PLCH1: variants seen among roughly 807,000 people sequenced by gnomAD.
PLCH1 encodes 1-phosphatidylinositol 4,5-bisphosphate phosphodiesterase eta-1.
A neutral mutation model predicts 126.7 loss-of-function variants in PLCH1; 60 were observed. The observed-to-expected ratio is 0.47, with a 90% confidence interval of 0.38 to 0.59. The LOEUF (loss-of-function observed/expected upper bound fraction) is 0.59, where lower values mean the gene tolerates loss of function less well. Among genes scored for constraint, PLCH1 ranks in the 20% least tolerant of loss-of-function variants. The pLI is 0.00. For synonymous variants in PLCH1, 719 were observed against 734.9 expected, an observed-to-expected ratio of 0.98 and a Z score of 0.35; for missense variants, 1,723 against 2,040.0, an observed-to-expected ratio of 0.84 and a Z score of 2.99.
chr3:155,676,202 T>C (rs1744071064), intron 2 of PLCH1: 2 of 1,291,096 alleles, frequency 1.5e-6, no homozygotes, highest in Non-Finnish European at 2.0e-6. Flanking sequence ...TATGGCATGA[T>C]GAGATCTTCA....
At chr3:155,497,280 T>G in intron 15 of PLCH1, 40 bp downstream of exon 15, 1 of 1,296,442 alleles carries the variant, frequency 7.7e-7, no homozygotes, top group Non-Finnish European at 1.1e-6. Context: ...AGGTCAAGAA[T>G]GTTTATTCAG....
intron 1 of PLCH1, among the ~76,000 whole-genome samples, chr3:155,731,646 T>C (rs1362334348): frequency 6.6e-6 from 1 of 151,978 alleles, no homozygotes; most frequent in Non-Finnish European, 1.5e-5. Flanking sequence ...AATCCCTACT[T>C]CTTCAAAAGC....
intron 10 of PLCH1, among the ~76,000 whole-genome samples, chr3:155,543,431 C>T (rs1372488439): frequency 1.2e-4 from 18 of 151,920 alleles, no homozygotes; most frequent in African/African-American, 1.9e-4. Context: ...CTGAAAGTGA[C>T]GGGGAGAATG....
At chr3:155,578,074 G>GGCGCC (rs1320615276) in intron 6 of PLCH1, among the ~76,000 whole-genome samples, 4 of 152,074 alleles carry the variant, frequency 2.6e-5, no homozygotes, top group African/African-American at 9.7e-5. Context: ...CAGGTGTTTT[G>GGCGCC]GACTCCTGGT....
At chr3:155,552,160 G>T in intron 9 of PLCH1, among the ~76,000 whole-genome samples, 1 of 152,018 alleles carries the variant, frequency 6.6e-6, no homozygotes, top group African/African-American at 2.4e-5. Flanking sequence ...AAATTTTAAA[G>T]GCTACTAACT....
At chr3:155,503,866 A>T (rs1718271436) in intron 13 of PLCH1, among the ~76,000 whole-genome samples, 2 of 152,212 alleles carry the variant, frequency 1.3e-5, no homozygotes, top group Non-Finnish European at 2.9e-5. Flanking sequence ...TATACCTAAC[A>T]ATAGAACTGC....
At chr3:155,713,662 A>G (rs1747307699) in intron 1 of PLCH1, among the ~76,000 whole-genome samples, 1 of 152,204 alleles carries the variant, frequency 6.6e-6, no homozygotes, top group African/African-American at 2.4e-5. Context: ...ACAATGGACA[A>G]ACACCTGACT....
chr3:155,536,852 C>T (rs763502294), intron 10 of PLCH1, among the ~76,000 whole-genome samples: 1 of 152,026 alleles, frequency 6.6e-6, no homozygotes, highest in Non-Finnish European at 1.5e-5. Context: ...ACAAAAAGAT[C>T]ATCACCTAGA....
At chr3:155,512,036 G>C (rs184264066) in intron 12 of PLCH1, among the ~76,000 whole-genome samples, 1 of 151,174 alleles carries the variant, frequency 6.6e-6, no homozygotes, top group Admixed American at 6.6e-5. Flanking sequence ...TGAGCCAGGT[G>C]TGGGATATAG....
At chr3:155,537,186 CAAAAAAAAAAAAAACCAA>C (rs1723471202) in intron 10 of PLCH1, among the ~76,000 whole-genome samples, 12 of 37,260 alleles carry the variant, frequency 3.2e-4, no homozygotes, top group East Asian at 1.5e-3. Context: ...GCTAGCACTA[CAAAAAAAAAAAAAACCAA>C]AAAAAAAAAA....
intron 5 of PLCH1, 30 bp downstream of exon 5, chr3:155,586,035 T>C (rs771589367): frequency 4.4e-6 from 7 of 1,606,592 alleles, no homozygotes; most frequent in East Asian, 2.2e-5. Context: ...GTGTATTTTA[T>C]ATAAGGCCAG....
At chr3:155,469,368 C>G (rs535458071) in intron 21 of PLCH1, among the ~76,000 whole-genome samples, 6 of 152,000 alleles carry the variant, frequency 3.9e-5, no homozygotes, top group Admixed American at 1.3e-4. Context: ...CTTTTCGGAC[C>G]GGCCTAAAAA....
chr3:155,603,574 A>C (rs1734006525), intron 2 of PLCH1, among the ~76,000 whole-genome samples: 2 of 152,206 alleles, frequency 1.3e-5, no homozygotes, highest in African/African-American at 4.8e-5. Context: ...TGTGAACTTC[A>C]GAAGGTAACT....
chr3:155,451,723 C>T (rs1015084903), intron 21 of PLCH1, among the ~76,000 whole-genome samples: 3 of 152,102 alleles, frequency 2.0e-5, no homozygotes, highest in East Asian at 1.9e-4. Context: ...TTGCACCAAC[C>T]TAATATAAGT....
At chr3:155,683,983 A>G (rs1363665021) in intron 2 of PLCH1, among the ~76,000 whole-genome samples, 1 of 152,194 alleles carries the variant, frequency 6.6e-6, no homozygotes, top group Non-Finnish European at 1.5e-5. Flanking sequence ...GTTTGGTTGT[A>G]TAATAACCAC....
intron 2 of PLCH1, among the ~76,000 whole-genome samples, chr3:155,698,922 A>T (rs965833518): frequency 1.3e-5 from 2 of 151,612 alleles, no homozygotes; most frequent in African/African-American, 4.9e-5. Flanking sequence ...TTCCAGAATT[A>T]GTTCTATTAT....
intron 6 of PLCH1, among the ~76,000 whole-genome samples, chr3:155,579,446 C>A (rs1027208121): frequency 3.9e-5 from 6 of 152,310 alleles, no homozygotes; most frequent in African/African-American, 2.4e-5. Context: ...TTATAAGTCA[C>A]AAAGTCAAGG....
intron 2 of PLCH1, among the ~76,000 whole-genome samples, chr3:155,655,737 G>A (rs1007906647): frequency 1.3e-5 from 2 of 152,176 alleles, no homozygotes; most frequent in Non-Finnish European, 2.9e-5. Context: ...GAAGGGGGTA[G>A]TGGGGACTTA....
chr3:155,658,083 C>A (rs888011810), intron 2 of PLCH1: 2 of 215,720 alleles, frequency 9.3e-6, no homozygotes, highest in South Asian at 8.4e-5. Flanking sequence ...ATGGTGGTAC[C>A]CAGGTGGTTA....
Sources: gnomAD v4.1 joint callset for allele counts (sites outside exome capture counted in the v4.1 genomes callset) on GRCh38, gnomAD v4.1.1 for gene constraint, MANE v1.5 for transcripts, NCBI Gene and HGNC (gene_info 2026-07-23, HGNC 2026-07-21) for gene names.